ZNF823: variants seen among roughly 807,000 people sequenced by gnomAD.
ZNF823 encodes the protein ZFP 36 for a zinc finger protein.
Under a neutral mutation model 11.4 loss-of-function variants are expected in ZNF823, and 5 were observed. The observed-to-expected ratio is 0.44, with a 90% CI of 0.23 to 0.92. The LOEUF (loss-of-function observed/expected upper bound fraction) is 0.92, where lower values mean the gene tolerates loss of function less well. ZNF823 is among the 40% of genes least tolerant of loss of function. The pLI is 0.24. For synonymous variants in ZNF823, 234 were observed against 250.5 expected (o/e 0.93, Z 0.62); for missense variants, 582 against 738.5 (o/e 0.79, Z 2.46).
chr19:11,731,561 C>T (rs530895579), intron 1 of ZNF823, among the ~76,000 whole-genome samples: 1 of 152,272 alleles, frequency 6.6e-6, no homozygotes, highest in East Asian at 1.9e-4. Context: ...TAGTTCAATT[C>T]TTATACCACC....
Position 11,729,867 on chromosome 19 carries a change from A to T in ZNF823, c.4-4540T>A, listed in dbSNP as rs188307547. Among the ~76,000 whole-genome samples, 865 of 152,188 alleles carry T rather than the reference A, an allele frequency of 5.7e-3. 7 individuals are homozygous for T. Among genetic ancestry groups the T allele is most frequent in the Middle Eastern group, 0.027 (8 of 294 alleles). On this transcript the variant is annotated intron_variant, in intron 1 of 3. Coordinates refer to ENST00000341191, the MANE Select transcript of ZNF823 (RefSeq NM_001080493.4). ...GTTACGTTTGGAAGGCTTTCAAATT[A>T]ACCTGTTTGGGGAGGTCTTATGATC...
At position 11,722,815 on chromosome 19, in the gene ZNF823, C is replaced by G; in HGVS notation, c.719G>C (p.Arg240Thr). 6.2e-7 allele frequency: 1 copy of G among 1,614,032 alleles called. No individual in the cohort carries two copies. Among genetic ancestry groups the G allele is most frequent in the South Asian group, 1.1e-5 (1 of 91,080 alleles). Residue 240 changes from arginine (R) to threonine (T), a missense_variant, in exon 4 of 4, where the codon AGA becomes ACA. Transcript: ENST00000341191. The surrounding 1 kb of genome is among the most constrained non-coding windows in gnomAD (Gnocchi z 5.2). ...ATACGCTTTCTCTCCCGTGTGGATT[C>G]TTTCATGTCTTAGATAGGAACTGTA... ...PFYSSYLRHE[R>T]IHTGEKAYEC...
At position 11,726,283 on chromosome 19, in the gene ZNF823, A is replaced by AATACAT. The variant is rs751563771; in HGVS notation, c.4-962_4-957dup. Among the ~76,000 whole-genome samples, 887 of 113,062 alleles carry AATACAT rather than the reference A, an allele frequency of 7.8e-3. 25 individuals carry two copies. Among genetic ancestry groups the AATACAT allele is most frequent in the Non-Finnish European group, 0.011 (575 of 54,460 alleles). The allele number at this position is 113,062 out of a possible 152,430, so 74.2% of individuals were successfully genotyped here. ...TAAAAGTAAAAAACAAAAAATAAAA[A>AATACAT]ATACATATATATATATATATATATA... On this transcript the variant is annotated intron_variant, in intron 1 of 3. Coordinates refer to ENST00000341191, the MANE Select transcript of ZNF823 (RefSeq NM_001080493.4).
At chr19:11,737,801 A>G (rs10425950) in intron 1 of ZNF823, among the ~76,000 whole-genome samples, 31 of 152,102 alleles carry the variant, frequency 2.0e-4, no homozygotes, top group African/African-American at 7.2e-4. Context: ...TCTGAAAACC[A>G]AGAGATTTGC....
At chr19:11,733,196 G>A (rs941949000) in intron 1 of ZNF823, among the ~76,000 whole-genome samples, 20 of 151,810 alleles carry the variant, frequency 1.3e-4, no homozygotes, top group Non-Finnish European at 2.6e-4. Flanking sequence ...GTGAAACCCC[G>A]TCTCTAATAA....
Position 11,738,811 on chromosome 19 carries a change from A to T in ZNF823, c.3+6T>A. The T allele has an allele frequency of 6.2e-7, 1 of 1,610,394 alleles. No individual in the cohort carries two copies. The highest frequency in any genetic ancestry group is 8.5e-7 in the Non-Finnish European group (1 of 1,178,436). Reference sequence around the variant, plus strand: ...TGCCTCGGGACGCCGGGCCCCGCACACTCACCATTTCCCAGCTTCCAGGTG... The same window carrying T: ...TGCCTCGGGACGCCGGGCCCCGCACTCTCACCATTTCCCAGCTTCCAGGTG... On this transcript the variant is annotated splice_donor_region_variant and intron_variant, in intron 1 of 3. Coordinates refer to ENST00000341191, the MANE Select transcript of ZNF823 (RefSeq NM_001080493.4).
intron 1 of ZNF823, among the ~76,000 whole-genome samples, chr19:11,732,088 G>A (rs563773641): frequency 6.6e-6 from 1 of 150,626 alleles, no homozygotes; most frequent in Non-Finnish European, 1.5e-5. Context: ...TTACTAGTTT[G>A]TTATAAAGGA....
rs759751742 is a variant in ZNF823, at chr19:11,723,054, T to G, written c.480A>C (p.Gly160=). Residue 160 remains glycine (G), a synonymous_variant, in exon 4 of 4, where the codon GGA becomes GGC. Coordinates refer to ENST00000341191, the MANE Select transcript of ZNF823 (RefSeq NM_001080493.4). ...SFQTHERPPT[G]KKPFDCKECA... Reference sequence around the variant, plus strand: ...ATTCTTTACAATCGAAGGGTTTCTTTCCGGTGGGGGGCCTTTCATGTGTCT... The same window carrying G: ...ATTCTTTACAATCGAAGGGTTTCTTGCCGGTGGGGGGCCTTTCATGTGTCT... 1.7e-5 allele frequency: 28 copies of G among 1,614,094 alleles called. No homozygotes were observed. Among genetic ancestry groups the G allele is most frequent in the Non-Finnish European group, 2.1e-5 (25 of 1,180,040 alleles).
chr19:11,735,281 C>CAAAAAAAAAAAAAAAAAAAA (rs60923876), intron 1 of ZNF823, among the ~76,000 whole-genome samples: 1 of 99,366 alleles, frequency 1.0e-5, no homozygotes. Flanking sequence ...TTTCAAAAAA[C>CAAAAAAAAAAAAAAAAAAAA]AAAAAAAAAA....
At chr19:11,732,028 A>T (rs980943471) in intron 1 of ZNF823, among the ~76,000 whole-genome samples, 1 of 146,340 alleles carries the variant, frequency 6.8e-6, no homozygotes, top group Non-Finnish European at 1.5e-5. Context: ...AAAAAAAAAA[A>T]ATTGGCTAAA....
At chr19:11,737,778 GC>G (rs1469490922) in intron 1 of ZNF823, among the ~76,000 whole-genome samples, 1 of 152,150 alleles carries the variant, frequency 6.6e-6, no homozygotes, top group Non-Finnish European at 1.5e-5. Flanking sequence ...GAGACAGTTA[GC>G]CTGGGGAAGG....
At position 11,722,588 on chromosome 19, in the gene ZNF823, G is replaced by T; in HGVS notation, c.946C>A (p.His316Asn). 12 of 1,614,106 alleles carry T rather than the reference G, an allele frequency of 7.4e-6. No homozygotes were observed. The highest frequency in any genetic ancestry group is 9.3e-6 in the Non-Finnish European group (11 of 1,180,022). The change falls in exon 4 of 4, where the codon CAC becomes AAC. Residue 316 changes from histidine (H) to asparagine (N), a missense_variant. His to Asn is a moderately conservative substitution (Grantham distance 68, BLOSUM62 1). Coordinates refer to ENST00000341191, the MANE Select transcript of ZNF823 (RefSeq NM_001080493.4). This position sits in a 1 kb window ranked among gnomAD's most constrained non-coding sequence, Gnocchi z 5.2. ...ATCATGTGTCTTCGAAAGCTTGTGTGATGATAAAACGTTTTCCCACATTGC... is the reference window on the plus strand; with the variant it reads ...ATCATGTGTCTTCGAAAGCTTGTGTTATGATAAAACGTTTTCCCACATTGC... ...CKQCGKTFYHHTSFRRHMIRH... is the reference protein window; with the variant it reads ...CKQCGKTFYHNTSFRRHMIRH...
At chr19:11,732,182 T>TTTTTTTTTG (rs1568469770) in intron 1 of ZNF823, among the ~76,000 whole-genome samples, 3 of 150,512 alleles carry the variant, frequency 2.0e-5, no homozygotes, top group Admixed American at 6.6e-5. Flanking sequence ...TTTTTTTTTT[T>TTTTTTTTTG]GAGATGGAGT....
chr19:11,735,119 A>T lies in ZNF823; in HGVS notation c.3+3698T>A, dbSNP rs190272747. 3.0e-4 allele frequency among the ~76,000 whole-genome samples: 45 copies of T among 151,912 alleles called. No individual in the cohort carries two copies. The East Asian group carries it at 7.7e-3, about 26-fold the overall frequency. On this transcript the variant is annotated intron_variant, in intron 1 of 3. Coordinates refer to ENST00000341191, the MANE Select transcript of ZNF823 (RefSeq NM_001080493.4). ...GTGAAACCCCGTCTCTACTAAAAAT[A>T]TAAAAATTAGCTGGGCGTGGTGGTG...
In ZNF823 at chr19:11,721,409, C is replaced by A; in HGVS notation, c.*292G>T. On this transcript the variant is annotated 3_prime_UTR_variant, in exon 4 of 4. Coordinates refer to ENST00000341191, the MANE Select transcript of ZNF823 (RefSeq NM_001080493.4). The stretch of plus-strand genomic sequence containing the variant: ...TACAATCAAACAACTATTTACATAG[C>A]TTTTACAATGCATGAGGTATTAAAA... 3.7e-6 allele frequency: 1 copy of A among 269,050 alleles called. No homozygotes were observed. Among genetic ancestry groups the A allele is most frequent in the East Asian group, 7.4e-5 (1 of 13,494 alleles). 16.7% of individuals were successfully genotyped at this position (269,050 alleles called of 1,614,324 possible). A position where few individuals can be genotyped will look rare whatever the true frequency, so the allele number is the denominator to read the frequency against.
chr19:11,734,369 T>C (rs1974955594), intron 1 of ZNF823, among the ~76,000 whole-genome samples: 2 of 152,152 alleles, frequency 1.3e-5, no homozygotes, highest in African/African-American at 4.8e-5. Context: ...GCCCCCTTTT[T>C]AAACCTGTAA....
intron 3 of ZNF823, 42 bp from the exon 4 acceptor site, chr19:11,723,384 A>T (rs758524080): frequency 1.4e-6 from 2 of 1,456,794 alleles, no homozygotes; most frequent in South Asian, 2.7e-5. Context: ...TTTGTTTATA[A>T]GTGATTTTCT....
chr19:11,730,176 C>T (rs944415045), intron 1 of ZNF823, among the ~76,000 whole-genome samples: 1 of 152,134 alleles, frequency 6.6e-6, no homozygotes, highest in Non-Finnish European at 1.5e-5. Flanking sequence ...GATCCGCCTG[C>T]CTCGGCCTCC....
intron 1 of ZNF823, among the ~76,000 whole-genome samples, chr19:11,727,683 A>C (rs1203030537): frequency 6.6e-6 from 1 of 152,132 alleles, no homozygotes; most frequent in Non-Finnish European, 1.5e-5. Context: ...GAAAGCAAAA[A>C]ATGGTTGAAA....
Sources: allele counts gnomAD v4.1 joint callset (sites outside exome capture counted in the v4.1 genomes callset), GRCh38; gene constraint gnomAD v4.1.1; non-coding constraint Gnocchi (gnomAD v3.1); transcripts MANE v1.5; gene names NCBI Gene and HGNC (gene_info 2026-07-23, HGNC 2026-07-21).